VPS13B: variants seen among roughly 807,000 people sequenced by gnomAD.
VPS13B encodes vacuolar protein sorting 13 homolog B.
Under a neutral mutation model 426.4 loss-of-function variants are expected in VPS13B, and 285 were observed. The observed-to-expected ratio is 0.67, with a 90% confidence interval of 0.61 to 0.74. VPS13B has a LOEUF of 0.74. Among genes scored for constraint, VPS13B ranks in the 30% least tolerant of loss-of-function variants. The pLI, the probability that VPS13B is intolerant of heterozygous loss-of-function variation, is 0.00. For synonymous variants in VPS13B, 1,676 were observed against 1,676.4 expected (o/e 1.00, Z 0.01); for missense variants, 4,537 against 4,782.6 (o/e 0.95, Z 1.51).
intron 3 of VPS13B, among the ~76,000 whole-genome samples, chr8:99,041,960 A>G (rs1385182934): frequency 1.3e-5 from 2 of 151,932 alleles, no homozygotes; most frequent in Admixed American, 6.6e-5. Context: ...AAATCTTTTC[A>G]TCTAATAAAT....
chr8:99,825,743 T>G (rs186202038), intron 51 of VPS13B, among the ~76,000 whole-genome samples: 41 of 152,344 alleles, frequency 2.7e-4, no homozygotes, highest in African/African-American at 9.6e-4. Context: ...AGTTAATTTT[T>G]GTATAAGGTG....
intron 33 of VPS13B, among the ~76,000 whole-genome samples, chr8:99,607,995 A>G (rs973886242): frequency 6.6e-6 from 1 of 152,074 alleles, no homozygotes; most frequent in South Asian, 2.1e-4. Flanking sequence ...GTCTGTTGTA[A>G]TATTTGTTTT....
intron 23 of VPS13B, among the ~76,000 whole-genome samples, chr8:99,464,462 G>A (rs1451648243): frequency 6.6e-6 from 1 of 152,020 alleles, no homozygotes; most frequent in African/African-American, 2.4e-5. Flanking sequence ...AAGATTCAGG[G>A]TCATAAATTA....
chr8:99,742,898 CTGTT>C lies in VPS13B; in HGVS notation c.7050+21854_7050+21857del, dbSNP rs372070961. Among the ~76,000 whole-genome samples, 208 of 152,288 alleles carry C rather than the reference CTGTT, an allele frequency of 1.4e-3. 2 individuals are homozygous for C. Among genetic ancestry groups the C allele is most frequent in the Middle Eastern group, 3.4e-3 (1 of 294 alleles). ...TGAATGGGCAAAAACTGGAAGCACT[CTGTT>C]TGAAAACTGGCACAAGACAGGGATG... is the stretch of plus-strand genomic sequence containing the variant. On this transcript the variant is annotated intron_variant, in intron 39 of 61. Coordinates refer to ENST00000357162, the MANE Select transcript of VPS13B (RefSeq NM_152564.5).
At chr8:99,136,843 C>T (rs1444619325) in intron 12 of VPS13B, 91 bp downstream of exon 12, 1 of 1,213,016 alleles carries the variant, frequency 8.2e-7, no homozygotes, top group East Asian at 2.3e-5. Flanking sequence ...TGGTTGTACT[C>T]TGCTACATAA....
chr8:99,031,776 C>T (rs1325390798), intron 2 of VPS13B, among the ~76,000 whole-genome samples: 2 of 152,142 alleles, frequency 1.3e-5, no homozygotes, highest in Admixed American at 6.5e-5. Flanking sequence ...TCCTTAGTCC[C>T]TGAGAAATGG....
intron 17 of VPS13B, chr8:99,241,506 A>T (rs1458461934): frequency 6.6e-6 from 1 of 152,124 alleles, no homozygotes; most frequent in East Asian, 1.9e-4. Flanking sequence ...TGGCTATTCT[A>T]TTTTTCAAGT....
chr8:99,438,575 A>G (rs552240793), intron 22 of VPS13B, among the ~76,000 whole-genome samples: 5 of 152,258 alleles, frequency 3.3e-5, no homozygotes, highest in South Asian at 2.1e-4. Flanking sequence ...TCTTGACAAG[A>G]TTTTTATGGA....
chr8:99,065,324 C>A (rs1002280241), intron 3 of VPS13B, among the ~76,000 whole-genome samples: 1 of 152,160 alleles, frequency 6.6e-6, no homozygotes, highest in East Asian at 1.9e-4. Flanking sequence ...ACGATCAAGT[C>A]GGCTTCATCC....
intron 15 of VPS13B, among the ~76,000 whole-genome samples, chr8:99,163,807 G>A (rs1811831895): frequency 6.6e-6 from 1 of 152,206 alleles, no homozygotes; most frequent in Non-Finnish European, 1.5e-5. Context: ...CAAGCTGAGG[G>A]AGTGGGCTCC....
intron 23 of VPS13B, among the ~76,000 whole-genome samples, chr8:99,454,071 T>C (rs1818332123): frequency 6.6e-6 from 1 of 152,210 alleles, no homozygotes; most frequent in African/African-American, 2.4e-5. Flanking sequence ...CTCCATAGCT[T>C]TGCCTTTTTA....
intron 51 of VPS13B, among the ~76,000 whole-genome samples, chr8:99,830,134 G>C (rs958732801): frequency 1.2e-4 from 19 of 152,206 alleles, no homozygotes; most frequent in Non-Finnish European, 2.6e-4. Flanking sequence ...ACTGTGCTGG[G>C]AGATCCACTG....
At chr8:99,503,233 C>T (rs1481381449) in intron 27 of VPS13B, among the ~76,000 whole-genome samples, 1 of 152,132 alleles carries the variant, frequency 6.6e-6, no homozygotes, top group Non-Finnish European at 1.5e-5. Context: ...AATGTACATA[C>T]CTTAATTTAA....
chr8:99,261,017 T>C (rs963323839), intron 17 of VPS13B, among the ~76,000 whole-genome samples: 2 of 151,986 alleles, frequency 1.3e-5, no homozygotes, highest in Non-Finnish European at 2.9e-5. Context: ...ATACAGAGAT[T>C]TCCCTTATAC....
At chr8:99,840,521 A>G (rs1014246514) in intron 54 of VPS13B, among the ~76,000 whole-genome samples, 1 of 152,340 alleles carries the variant, frequency 6.6e-6, no homozygotes, top group Middle Eastern at 3.4e-3. Flanking sequence ...GTTGAACAGG[A>G]CAAGTTCATG....
chr8:99,644,026 A>G (rs1431275792), intron 34 of VPS13B, among the ~76,000 whole-genome samples: 1 of 152,162 alleles, frequency 6.6e-6, no homozygotes, highest in East Asian at 1.9e-4. Flanking sequence ...CATTAAGTTC[A>G]CTCAGCTACA....
Position 99,143,033 on chromosome 8 carries a change from G to C in VPS13B, c.1711G>C (p.Glu571Gln). ...AAGTGAAGATTTGGGAACAGTTCAGGAGAAGTCCACCAAAAGCCTTGTTAT... is the reference window on the plus strand; with the variant it reads ...AAGTGAAGATTTGGGAACAGTTCAGCAGAAGTCCACCAAAAGCCTTGTTAT... ...GKSEDLGTVQ[E>Q]KSTKSLVIGP... The change falls in exon 13 of 62, where the codon GAG becomes CAG. Residue 571 changes from glutamate to glutamine, a missense_variant. Coordinates refer to ENST00000357162, the MANE Select transcript of VPS13B (RefSeq NM_152564.5). 6.2e-7 allele frequency: 1 copy of C among 1,613,980 alleles called. No individual in the cohort carries two copies. Among genetic ancestry groups the C allele is most frequent in the Non-Finnish European group, 8.5e-7 (1 of 1,179,942 alleles).
chr8:99,301,831 T>G (rs932709430), intron 19 of VPS13B, among the ~76,000 whole-genome samples: 9 of 152,256 alleles, frequency 5.9e-5, no homozygotes, highest in Middle Eastern at 6.8e-3. Context: ...CTCATTATGT[T>G]GCCCAACCTG....
At position 99,827,762 on chromosome 8, in the gene VPS13B, C is replaced by T. The variant is rs142611079; in HGVS notation, c.9330+3784C>T. On this transcript the variant is annotated intron_variant, in intron 51 of 61. Coordinates refer to ENST00000357162, the MANE Select transcript of VPS13B (RefSeq NM_152564.5). ...TCTAAACACTGCTTTAGCTGTGTCT[C>T]AGAGATTCTGGTATGTTGTGTCTTT... Among the ~76,000 whole-genome samples the T allele has an allele frequency of 1.8e-3, 273 of 152,218 alleles. 5 individuals carry two copies. The East Asian group carries it at 0.034, about 19-fold the overall frequency.
Sources: allele counts gnomAD v4.1 joint callset (sites outside exome capture counted in the v4.1 genomes callset), GRCh38; gene constraint gnomAD v4.1.1; transcripts MANE v1.5; gene names NCBI Gene and HGNC (gene_info 2026-07-23, HGNC 2026-07-21).